Variants in NRXN3 observed in about 807,000 individuals in gnomAD.
NRXN3 encodes neurexin 3, also known as neurexin III.
In NRXN3, 32 loss-of-function variants were observed where a neutral mutation model predicts 137.6. The observed-to-expected ratio is 0.23, with a 90% confidence interval of 0.18 to 0.31. The LOEUF (loss-of-function observed/expected upper bound fraction) is 0.31, where lower values mean the gene tolerates loss of function less well. Among genes scored for constraint, NRXN3 ranks in the 10% least tolerant of loss-of-function variants. NRXN3 has a pLI of 1.00. For synonymous variants in NRXN3, 798 were observed against 784.5 expected (o/e 1.02, Z -0.29); for missense variants, 1,574 against 2,062.5 (o/e 0.76, Z 4.59).
At chr14:78,279,006 A>G (rs2074016792) in intron 3 of NRXN3, among the ~76,000 whole-genome samples, 1 of 152,190 alleles carries the variant, frequency 6.6e-6, no homozygotes, top group African/African-American at 2.4e-5. Flanking sequence ...TTTGTCTTTC[A>G]CACATCTGCT....
intron 15 of NRXN3, among the ~76,000 whole-genome samples, chr14:79,039,149 C>G (rs561905502): frequency 6.6e-6 from 1 of 152,194 alleles, no homozygotes; most frequent in Non-Finnish European, 1.5e-5. Context: ...AAACTTGGAA[C>G]TGTATCTATG....
chr14:78,955,167 CT>C (rs1296468804), intron 10 of NRXN3, among the ~76,000 whole-genome samples: 1 of 152,136 alleles, frequency 6.6e-6, no homozygotes, highest in Non-Finnish European at 1.5e-5. Context: ...TCTTTCTTCA[CT>C]TTTTTCTTTC....
chr14:78,531,285 A>G (rs905119998), intron 4 of NRXN3, among the ~76,000 whole-genome samples: 2 of 152,162 alleles, frequency 1.3e-5, no homozygotes, highest in Non-Finnish European at 2.9e-5. Context: ...TTACTTTGGA[A>G]TGAGAAATGA....
At chr14:79,779,568 A>G (rs1226378370) in intron 19 of NRXN3, among the ~76,000 whole-genome samples, 1 of 152,176 alleles carries the variant, frequency 6.6e-6, no homozygotes. Flanking sequence ...CTCTGCAGCC[A>G]CATCCTCCAC....
rs534064030 is a variant in NRXN3 at position 78,825,447 on chromosome 14, G to A, written c.2275+15103G>A. Among the ~76,000 whole-genome samples, 12 of 152,238 alleles carry A rather than the reference G, an allele frequency of 7.9e-5. No individual in the cohort carries two copies. In the East Asian group the frequency reaches 9.7e-4, roughly 12 times the overall value. ...GGTTTTGAGGTGATTTTTCCAAGCC[G>A]TCATTATTAGTAATAAGAGCTACAA... On this transcript the variant is annotated intron_variant, in intron 10 of 20. Transcript: ENST00000335750.
intron 20 of NRXN3, 110 bp downstream of exon 20, chr14:79,805,300 A>C: frequency 1.7e-6 from 1 of 582,864 alleles, no homozygotes; most frequent in South Asian, 2.9e-5. Flanking sequence ...TAGTGTGTTA[A>C]TGTGTGTATA....
At chr14:78,604,920 G>C (rs2097235639) in intron 4 of NRXN3, among the ~76,000 whole-genome samples, 1 of 152,158 alleles carries the variant, frequency 6.6e-6, no homozygotes, top group South Asian at 2.1e-4. Context: ...TGACAGACCA[G>C]AGACTAAATA....
chr14:79,431,943 G>A (rs924098417), intron 15 of NRXN3, among the ~76,000 whole-genome samples: 2 of 152,116 alleles, frequency 1.3e-5, no homozygotes, highest in African/African-American at 4.8e-5. Flanking sequence ...GCTTAATAAT[G>A]GTATCCTTGC....
intron 16 of NRXN3, among the ~76,000 whole-genome samples, chr14:79,635,509 T>C (rs530742100): frequency 3.9e-5 from 6 of 152,292 alleles, no homozygotes; most frequent in Admixed American, 2.0e-4. Context: ...AGACTTATTT[T>C]TTTCCTATTC....
At chr14:78,693,168 A>G (rs1374776882) in intron 6 of NRXN3, among the ~76,000 whole-genome samples, 1 of 152,048 alleles carries the variant, frequency 6.6e-6, no homozygotes, top group Non-Finnish European at 1.5e-5. Flanking sequence ...TCTAGCCTTC[A>G]TTATTAGTCT....
At chr14:79,584,108 C>G (rs1392025842) in intron 16 of NRXN3, among the ~76,000 whole-genome samples, 1 of 152,042 alleles carries the variant, frequency 6.6e-6, no homozygotes, top group Non-Finnish European at 1.5e-5. Context: ...ATTTTTTCTC[C>G]TGGACATTTT....
In NRXN3 at chr14:79,327,526, C is replaced by A. The variant is rs186239480; in HGVS notation, c.3263-139695C>A. 4.7e-4 allele frequency among the ~76,000 whole-genome samples: 72 copies of A among 152,226 alleles called. 1 individual carries two copies. The highest frequency in any genetic ancestry group is 1.5e-4 in the Non-Finnish European group (10 of 68,026). On this transcript the variant is annotated intron_variant, in intron 15 of 20. Coordinates refer to ENST00000335750, the MANE Select transcript of NRXN3 (RefSeq NM_001330195.2). ...GCCCATTTGAATTAGCACATTCCCC[C>A]ACAAGCACACACATCCATACTGCCA...
intron 15 of NRXN3, among the ~76,000 whole-genome samples, chr14:79,171,009 A>G (rs1305516321): frequency 6.6e-6 from 1 of 152,048 alleles, no homozygotes; most frequent in Admixed American, 6.6e-5. Flanking sequence ...TGGAAAATGC[A>G]AATAACCTTT....
At chr14:79,577,148 C>T (rs1447264008) in intron 16 of NRXN3, among the ~76,000 whole-genome samples, 2 of 152,154 alleles carry the variant, frequency 1.3e-5, no homozygotes, top group Non-Finnish European at 2.9e-5. Context: ...CTTTGCTCCT[C>T]ATTCACCTTC....
intron 2 of NRXN3, among the ~76,000 whole-genome samples, chr14:78,249,386 A>AC (rs2068229989): frequency 6.6e-6 from 1 of 152,126 alleles, no homozygotes; most frequent in Non-Finnish European, 1.5e-5. Context: ...TATTTTCAAG[A>AC]CCCCTATCTC....
At chr14:78,235,171 C>T (rs1269356372) in intron 1 of NRXN3, among the ~76,000 whole-genome samples, 1 of 151,512 alleles carries the variant, frequency 6.6e-6, no homozygotes, top group Non-Finnish European at 1.5e-5. Flanking sequence ...TTCCATTTAT[C>T]TCCATCAAAT....
At chr14:78,391,859 T>A (rs2090823665) in intron 4 of NRXN3, among the ~76,000 whole-genome samples, 1 of 152,150 alleles carries the variant, frequency 6.6e-6, no homozygotes, top group African/African-American at 2.4e-5. Context: ...AGCCAAAAAT[T>A]AAGAAAAATG....
At chr14:79,490,957 A>C (rs2096710892) in intron 16 of NRXN3, among the ~76,000 whole-genome samples, 1 of 152,146 alleles carries the variant, frequency 6.6e-6, no homozygotes, top group African/African-American at 2.4e-5. Flanking sequence ...GTACCCACAA[A>C]TTTAAAAAAA....
chr14:78,873,118 G>A (rs888566279), intron 10 of NRXN3, among the ~76,000 whole-genome samples: 3 of 152,094 alleles, frequency 2.0e-5, no homozygotes, highest in African/African-American at 4.8e-5. Flanking sequence ...TAACTTTATA[G>A]GGTTCTACAG....
Sources: allele counts gnomAD v4.1 joint callset (sites outside exome capture counted in the v4.1 genomes callset), GRCh38; gene constraint gnomAD v4.1.1; transcripts MANE v1.5; gene names NCBI Gene and HGNC (gene_info 2026-07-23, HGNC 2026-07-21).